The following ANKRD18B variants were observed in gnomAD, a reference collection of about 807,000 sequenced individuals.
ANKRD18B encodes the protein ankyrin repeat domain-containing protein 18B.
Under a neutral mutation model 111.8 loss-of-function variants are expected in ANKRD18B, and 75 were observed. The ratio of observed to expected loss-of-function variants is 0.67; its 90% CI spans 0.56 to 0.81. The LOEUF (loss-of-function observed/expected upper bound fraction) is 0.81, where lower values mean the gene tolerates loss of function less well. ANKRD18B is among the 40% of genes least tolerant of loss of function. The pLI is 0.00. For missense variants in ANKRD18B, 1,038 were observed against 1,225.5 expected, an observed-to-expected ratio of 0.85 and a Z score of 2.28; for synonymous variants, 356 against 417.3, an observed-to-expected ratio of 0.85 and a Z score of 1.79.
rs552756907 is a variant in ANKRD18B, at chr9:33,558,097, T to C, written c.2370T>C (p.Asn790=). The part of the protein sequence containing the change: ...KCLEMTINML[N]AFANEDFSCH... ...TAGAAATGACAATAAATATGTTAAA[T>C]GCATTTGCAAATGAAGACTTCAGTT... The change falls in exon 14 of 19, where the codon AAT becomes AAC. Residue 790 remains asparagine (N), a synonymous_variant. Coordinates refer to ENST00000684830, the MANE Select transcript of ANKRD18B (RefSeq NM_001393611.1). 1.5e-5 allele frequency: 24 copies of C among 1,610,556 alleles called. No individual in the cohort carries two copies. In the Admixed American group the frequency reaches 2.5e-4, roughly 17 times the overall value.
chr9:33,551,391 G>A (rs1454422350), intron 12 of ANKRD18B, among the ~76,000 whole-genome samples: 1 of 152,188 alleles, frequency 6.6e-6, no homozygotes, highest in Non-Finnish European at 1.5e-5. Flanking sequence ...TCTTAGCCAT[G>A]ACTGCAACCC....
At chr9:33,566,730 G>A (rs1828691346) in intron 15 of ANKRD18B, among the ~76,000 whole-genome samples, 1 of 152,006 alleles carries the variant, frequency 6.6e-6, no homozygotes, top group African/African-American at 2.4e-5. Flanking sequence ...ACAGTAAAAG[G>A]GGGAATTTGA....
At chr9:33,535,707 T>A (rs1036241307) in intron 5 of ANKRD18B, among the ~76,000 whole-genome samples, 5 of 147,022 alleles carry the variant, frequency 3.4e-5, no homozygotes, top group African/African-American at 9.8e-5. Flanking sequence ...ATTATATTAT[T>A]TTTATATTTA....
chr9:33,529,258 G>A (rs1828076543), intron 3 of ANKRD18B, 85 bp downstream of exon 3: 3 of 1,448,952 alleles, frequency 2.1e-6, no homozygotes, highest in Non-Finnish European at 2.7e-6. Flanking sequence ...TGGAACTCAA[G>A]TATTCCTGAA....
chr9:33,528,768 T>C lies in ANKRD18B; in HGVS notation c.248T>C (p.Val83Ala), dbSNP rs760844883. ...HLACAHGRVQVVTLLLDRKCQ... is the reference protein window; with the variant it reads ...HLACAHGRVQAVTLLLDRKCQ... ...GCCTGTGCCCATGGCCGTGTGCAAG[T>C]GGTCACTCTCTTGCTGGACAGAAAA... is the stretch of plus-strand genomic sequence containing the variant. The change falls in exon 2 of 19, where the codon GTG becomes GCG. Residue 83 changes from valine to alanine, a missense_variant. Val to Ala is a moderately conservative substitution (Grantham distance 64). Around this residue, in one of 4 missense-constraint regions of ANKRD18B, gnomAD observed 216 missense variants for 205.1 expected, o/e 1.05. Coordinates refer to ENST00000684830, the MANE Select transcript of ANKRD18B (RefSeq NM_001393611.1). 1.2e-6 allele frequency: 2 copies of C among 1,613,278 alleles called. No homozygotes were observed. Among genetic ancestry groups the C allele is most frequent in the African/African-American group, 1.3e-5 (1 of 74,926 alleles).
intron 1 of ANKRD18B, among the ~76,000 whole-genome samples, chr9:33,525,756 AT>A (rs1828017017): frequency 2.7e-5 from 4 of 150,002 alleles, no homozygotes; most frequent in Admixed American, 2.7e-4. Flanking sequence ...ATTTTTACTA[AT>A]ATATAAAAAT....
At position 33,543,319 on chromosome 9, in the gene ANKRD18B, A is replaced by G. The variant is rs1427524127; in HGVS notation, c.1149+64A>G. 20 of 1,353,356 alleles carry G rather than the reference A, an allele frequency of 1.5e-5. No individual in the cohort carries two copies. In the East Asian group the frequency reaches 2.0e-4, roughly 14 times the overall value. The allele number at this position is 1,353,356 out of a possible 1,614,324, so 83.8% of individuals were successfully genotyped here. On this transcript the variant is annotated intron_variant, in intron 10 of 18. Coordinates refer to ENST00000684830, the MANE Select transcript of ANKRD18B (RefSeq NM_001393611.1). ...GTTTGTTTTTCTTTAATAACATAGC[A>G]TAGTCCAAATGAAGTGACCTTTTAG...
At chr9:33,569,350 C>T (rs544177090) in intron 17 of ANKRD18B, among the ~76,000 whole-genome samples, 55 of 149,594 alleles carry the variant, frequency 3.7e-4, no homozygotes, top group African/African-American at 1.3e-3. Context: ...TTGCAACCTC[C>T]GCCTCCTGGG....
chr9:33,533,601 A>G, intron 4 of ANKRD18B, 56 bp downstream of exon 4: 1 of 1,489,788 alleles, frequency 6.7e-7, no homozygotes, highest in Non-Finnish European at 8.9e-7. Flanking sequence ...AGTGTTCTAG[A>G]GTGGTAACAG....
At chr9:33,559,963 C>A (rs1828581892) in intron 14 of ANKRD18B, among the ~76,000 whole-genome samples, 1 of 152,208 alleles carries the variant, frequency 6.6e-6, no homozygotes, top group Admixed American at 6.5e-5. Context: ...CACTAGTTTT[C>A]CCTTCCTCCC....
chr9:33,560,804 C>T (rs1828595225), intron 14 of ANKRD18B, among the ~76,000 whole-genome samples: 1 of 152,014 alleles, frequency 6.6e-6, no homozygotes. Context: ...ACTAAAAATA[C>T]AAAAATTAGC....
Position 33,548,118 on chromosome 9 carries a change from G to C in ANKRD18B, c.1330G>C (p.Val444Leu). Residue 444 changes from valine to leucine, a missense_variant, in exon 11 of 19, where the codon GTA becomes CTA. Coordinates refer to ENST00000684830, the MANE Select transcript of ANKRD18B (RefSeq NM_001393611.1). ...AATAAATGCTAACTTTGAAAAGAGT[G>C]TAAGACTCAATGAAGAAATGATAAC... ...TEINANFEKS[V>L]RLNEEMITKK... is the part of the protein sequence containing the mutation. The C allele has an allele frequency of 6.5e-7, 1 of 1,536,784 alleles. No homozygotes were observed. Among genetic ancestry groups the C allele is most frequent in the Non-Finnish European group, 8.8e-7 (1 of 1,142,258 alleles).
At chr9:33,527,398 T>G (rs973369406) in intron 1 of ANKRD18B, among the ~76,000 whole-genome samples, 4 of 152,146 alleles carry the variant, frequency 2.6e-5, no homozygotes, top group Non-Finnish European at 5.9e-5. Context: ...CTCAGCTCAC[T>G]GCAACCTCTG....
At chr9:33,532,313 C>CT (rs1341922170) in intron 3 of ANKRD18B, among the ~76,000 whole-genome samples, 3 of 151,932 alleles carry the variant, frequency 2.0e-5, no homozygotes, top group Non-Finnish European at 4.4e-5. Flanking sequence ...AGTATTAGAA[C>CT]TTTTTTTGAT....
rs772851925 is a variant in ANKRD18B at position 33,529,077 on chromosome 9, C to T, written c.399C>T (p.Tyr133=). ...CCAATCCAAACATTAAGGATATCTA[C>T]GGCAACACTGCTCTCCATTATGCCG... is the stretch of plus-strand genomic sequence containing the variant. The part of the protein sequence containing the change: ...RGANPNIKDI[Y]GNTALHYAVY... The change falls in exon 3 of 19, where the codon TAC becomes TAT. Residue 133 remains tyrosine, a synonymous_variant. Transcript: ENST00000684830. 8.1e-6 allele frequency: 13 copies of T among 1,611,964 alleles called. No homozygotes were observed. Among genetic ancestry groups the T allele is most frequent in the African/African-American group, 5.3e-5 (4 of 74,854 alleles).
Position 33,555,745 on chromosome 9 carries a change from A to T in ANKRD18B, c.2255A>T (p.Glu752Val). Reference protein sequence around the residue: ...EKHEEFRKVFELISLLNYTAD... With the variant: ...EKHEEFRKVFVLISLLNYTAD... The stretch of plus-strand genomic sequence containing the variant: ...CATGAAGAATTCAGAAAAGTTTTTG[A>T]ATTAATATCATTACTGAACTATACT... Residue 752 changes from glutamate (E) to valine (V), a missense_variant, in exon 13 of 19, where the codon GAA (glutamate) becomes GTA (valine). By Grantham distance (121) the Glu-to-Val change is moderately radical (BLOSUM62 -2). Around this residue, in one of 4 missense-constraint regions of ANKRD18B, gnomAD observed 524 missense variants for 677.9 expected, o/e 0.77. Transcript: ENST00000684830. The T allele has an allele frequency of 7.0e-7, 1 of 1,425,422 alleles. No individual in the cohort carries two copies. Among genetic ancestry groups the T allele is most frequent in the Non-Finnish European group, 9.2e-7 (1 of 1,091,160 alleles). The allele number at this position is 1,425,422 out of a possible 1,614,324, so 88.3% of individuals were successfully genotyped here.
At chr9:33,533,318 C>G in intron 3 of ANKRD18B, 121 bp from the exon 4 acceptor site, 3 of 1,473,818 alleles carry the variant, frequency 2.0e-6, no homozygotes, top group Non-Finnish European at 2.7e-6. Context: ...GACGGGACTG[C>G]TTTGCATTTA....
At chr9:33,558,290 G>A (rs769982826) in intron 14 of ANKRD18B, 103 bp downstream of exon 14, 70 of 1,309,878 alleles carry the variant, frequency 5.3e-5, no homozygotes, top group African/African-American at 9.0e-5. Flanking sequence ...TTTGCTGCAC[G>A]TATCAATCCA....
intron 9 of ANKRD18B, among the ~76,000 whole-genome samples, chr9:33,542,368 C>G (rs1238939237): frequency 8.1e-6 from 1 of 122,902 alleles, no homozygotes; most frequent in African/African-American, 2.7e-5. Flanking sequence ...GAATTTTGAG[C>G]CTTTTTTCCT....
Sources: gnomAD v4.1 joint callset for allele counts (sites outside exome capture counted in the v4.1 genomes callset) on GRCh38, gnomAD v4.1.1 for gene constraint, gnomAD v4.1.1 regional missense constraint, MANE v1.5 for transcripts, NCBI Gene and HGNC (gene_info 2026-07-23, HGNC 2026-07-21) for gene names.